Variants in LAMA4 observed in about 807,000 individuals in gnomAD.
LAMA4 encodes the protein laminin subunit alpha-4.
A neutral mutation model predicts 207.1 loss-of-function variants in LAMA4; 127 were observed. The observed-to-expected ratio is 0.61, with a 90% CI of 0.53 to 0.71. The LOEUF (loss-of-function observed/expected upper bound fraction) is 0.71, where lower values mean the gene tolerates loss of function less well. LAMA4 is among the 30% of genes least tolerant of loss of function. The pLI is 0.00. For missense variants in LAMA4, 2,093 were observed against 2,246.5 expected, an observed-to-expected ratio of 0.93 and a Z score of 1.38; for synonymous variants, 761 against 816.0, an observed-to-expected ratio of 0.93 and a Z score of 1.15.
chr6:112,139,066 A>G, intron 24 of LAMA4, 54 bp downstream of exon 24: 1 of 1,542,692 alleles, frequency 6.5e-7, no homozygotes, highest in Non-Finnish European at 9.0e-7. Context: ...AAACATGAGT[A>G]GCAGAAAGTA....
chr6:112,233,722 C>T (rs1329350397), intron 2 of LAMA4, among the ~76,000 whole-genome samples: 4 of 152,188 alleles, frequency 2.6e-5, no homozygotes, highest in African/African-American at 9.7e-5. Context: ...GTTTACTCCT[C>T]ATAAGGTAGA....
chr6:112,229,919 G>A (rs185452361), intron 2 of LAMA4, among the ~76,000 whole-genome samples: 2 of 152,316 alleles, frequency 1.3e-5, no homozygotes, highest in East Asian at 3.9e-4. Flanking sequence ...CAATACAATT[G>A]TAGTGAATTA....
At chr6:112,226,839 A>G (rs1309849925) in intron 2 of LAMA4, among the ~76,000 whole-genome samples, 4 of 152,206 alleles carry the variant, frequency 2.6e-5, no homozygotes, top group African/African-American at 9.6e-5. Flanking sequence ...ATTGAGGAAA[A>G]AGTCAGTTGC....
At chr6:112,159,095 C>A in intron 13 of LAMA4, 1 of 543,886 alleles carries the variant, frequency 1.8e-6, no homozygotes, top group African/African-American at 1.9e-5. Flanking sequence ...CTAGCATTCA[C>A]AACCCAGAAA....
At chr6:112,155,188 G>A (rs1780632343) in intron 15 of LAMA4, 1 of 594,860 alleles carries the variant, frequency 1.7e-6, no homozygotes, top group Non-Finnish European at 3.0e-6. Context: ...CCCTGGCCAA[G>A]GCCCCACCAA....
At chr6:112,111,948 G>A (rs111902373) in intron 38 of LAMA4, among the ~76,000 whole-genome samples, 1 of 152,142 alleles carries the variant, frequency 6.6e-6, no homozygotes, top group Non-Finnish European at 1.5e-5. Flanking sequence ...TAGTAAGTAC[G>A]TTGGGTGGCA....
At chr6:112,243,028 TTGCTGTCTCTC>T (rs1386102675) in intron 2 of LAMA4, among the ~76,000 whole-genome samples, 1 of 152,176 alleles carries the variant, frequency 6.6e-6, no homozygotes, top group Non-Finnish European at 1.5e-5. Context: ...ATTGTCTACT[TTGCTGTCTCTC>T]TGCAGTGGGG....
In LAMA4 at chr6:112,139,144, G is replaced by T; in HGVS notation, c.3258C>A (p.Gly1086=). 1.2e-6 allele frequency: 2 copies of T among 1,614,116 alleles called. No homozygotes were observed. The highest frequency in any genetic ancestry group is 1.7e-6 in the Non-Finnish European group (2 of 1,179,990). Residue 1086 remains glycine, a synonymous_variant, in exon 24 of 39, where the codon GGC becomes GGA. Coordinates refer to ENST00000230538, the MANE Select transcript of LAMA4 (RefSeq NM_001105206.3). ...DIEVRTPADN[G]LILLMVNGSM... ...CTCCATTGACCATCAGGAGAATAAG[G>T]CCGTTGTCAGCTGGTGTTCGAACTT...
chr6:112,170,806 T>C (rs1554341495), intron 12 of LAMA4, among the ~76,000 whole-genome samples: 1 of 152,194 alleles, frequency 6.6e-6, no homozygotes, highest in Non-Finnish European at 1.5e-5. Flanking sequence ...GCAAGACATG[T>C]TACAGGATTG....
intron 13 of LAMA4, among the ~76,000 whole-genome samples, chr6:112,163,121 A>AC (rs1554338878): frequency 3.3e-5 from 5 of 151,506 alleles, no homozygotes. Flanking sequence ...GTAGGCATGC[A>AC]CCACCACGCC....
rs1778119539 is a variant in LAMA4 at position 112,117,879 on chromosome 6, A to T, written c.4841T>A (p.Phe1614Tyr). ...CTGGAGATTGCTGAGACAGCCACTA[A>T]AACTGTAGATGGAGTTAATCTGAGG... Reference protein sequence around the residue: ...KNVQINSIYSFSGCLSNLQLN... With the variant: ...KNVQINSIYSYSGCLSNLQLN... The change falls in exon 35 of 39, where the codon TTT becomes TAT. Residue 1614 changes from phenylalanine (F) to tyrosine (Y), a missense_variant. Around this residue, in one of 3 missense-constraint regions of LAMA4, gnomAD observed 383 missense variants for 437.8 expected, o/e 0.87. Transcript: ENST00000230538. This position sits in a 1 kb window ranked among gnomAD's most constrained non-coding sequence, Gnocchi z 4.5. 1 of 1,613,448 alleles carries T rather than the reference A, an allele frequency of 6.2e-7. No homozygotes were observed. Among genetic ancestry groups the T allele is most frequent in the Non-Finnish European group, 8.5e-7 (1 of 1,179,590 alleles).
Position 112,152,815 on chromosome 6 carries a change from C to T in LAMA4, c.2056+2036G>A, listed in dbSNP as rs190048052. ...TGGGTAGTGTGAAGAATTTGCATTG[C>T]ACCCTGCCTCCTTCCTCTTTTCTAA... is the stretch of plus-strand genomic sequence containing the variant. On this transcript the variant is annotated intron_variant, in intron 16 of 38. Transcript: ENST00000230538. Among the ~76,000 whole-genome samples, 10 of 152,088 alleles carry T rather than the reference C, an allele frequency of 6.6e-5. No individual in the cohort carries two copies. The East Asian group carries it at 1.9e-3, about 29-fold the overall frequency.
intron 2 of LAMA4, among the ~76,000 whole-genome samples, chr6:112,237,755 C>G (rs76134368): frequency 6.6e-6 from 1 of 152,330 alleles, no homozygotes; most frequent in Non-Finnish European, 1.5e-5. Flanking sequence ...CTTGACAGAA[C>G]CTTGGCGATG....
At chr6:112,210,821 G>A (rs956944958) in intron 3 of LAMA4, among the ~76,000 whole-genome samples, 1 of 152,040 alleles carries the variant, frequency 6.6e-6, no homozygotes, top group Non-Finnish European at 1.5e-5. Flanking sequence ...TTTTCAAGTT[G>A]TAAAATATGT....
At position 112,109,563 on chromosome 6, in the gene LAMA4, G is replaced by A; in HGVS notation, c.5346C>T (p.Arg1782=). ...GGVPESLLTP[R]LAPSKPFTGC... is the part of the protein sequence containing the mutation. ...CTGTGAAGGGTTTGCTGGGGGCCAAGCGTGGTGTCAGTAGAGATTCTGAAA... is the reference window on the plus strand; with the variant it reads ...CTGTGAAGGGTTTGCTGGGGGCCAAACGTGGTGTCAGTAGAGATTCTGAAA... The change falls in exon 39 of 39, where the codon CGC becomes CGT. Residue 1782 remains arginine (R), a synonymous_variant. Transcript: ENST00000230538. 6.2e-7 allele frequency: 1 copy of A among 1,614,102 alleles called. No individual in the cohort carries two copies. Among genetic ancestry groups the A allele is most frequent in the South Asian group, 1.1e-5 (1 of 91,086 alleles).
chr6:112,214,029 T>A (rs782784519), intron 3 of LAMA4: 1 of 764,098 alleles, frequency 1.3e-6, no homozygotes, highest in African/African-American at 1.7e-5. Flanking sequence ...GAATGAACGA[T>A]AGGGCAGAAG....
At chr6:112,161,837 T>G (rs1781071305) in intron 13 of LAMA4, among the ~76,000 whole-genome samples, 1 of 151,842 alleles carries the variant, frequency 6.6e-6, no homozygotes, top group East Asian at 1.9e-4. Flanking sequence ...TATGGTATAT[T>G]TGAAAAATAG....
chr6:112,152,212 C>T (rs1488399930), intron 16 of LAMA4, among the ~76,000 whole-genome samples: 2 of 151,926 alleles, frequency 1.3e-5, no homozygotes, highest in African/African-American at 2.4e-5. Context: ...TAGAAGAGCT[C>T]GTATAAAAGT....
chr6:112,190,127 T>C (rs1206886475), intron 6 of LAMA4, among the ~76,000 whole-genome samples: 6 of 152,228 alleles, frequency 3.9e-5, no homozygotes, highest in African/African-American at 1.4e-4. Flanking sequence ...TTCAGCAAGA[T>C]CATGCTTTAT....
Sources: allele counts gnomAD v4.1 joint callset (sites outside exome capture counted in the v4.1 genomes callset), GRCh38; gene constraint gnomAD v4.1.1; regional missense constraint gnomAD v4.1.1; non-coding constraint Gnocchi (gnomAD v3.1); transcripts MANE v1.5; gene names NCBI Gene and HGNC (gene_info 2026-07-23, HGNC 2026-07-21).